Variants in CDKL1 observed in about 807,000 individuals in gnomAD.
CDKL1 encodes the protein cyclin-dependent kinase-like 1.
In CDKL1, 41 loss-of-function variants were observed where a neutral mutation model predicts 42.0. That is an observed-to-expected ratio of 0.98 (90% confidence interval 0.76 to 1.27). The LOEUF is 1.27. Ranked by LOEUF, CDKL1 falls within the 50% of genes most tolerant of loss-of-function variation. The pLI, the probability that CDKL1 is intolerant of heterozygous loss-of-function variation, is 0.00. For synonymous variants in CDKL1, 153 were observed against 158.6 expected, an observed-to-expected ratio of 0.96 and a Z score of 0.26; for missense variants, 394 against 428.4, an observed-to-expected ratio of 0.92 and a Z score of 0.71.
chr14:50,395,008 A>T (rs2035357856), intron 2 of CDKL1, among the ~76,000 whole-genome samples: 1 of 152,192 alleles, frequency 6.6e-6, no homozygotes, highest in Non-Finnish European at 1.5e-5. Flanking sequence ...TGATCATTTC[A>T]CTTCTTTAAG....
chr14:50,397,236 C>T (rs762435747), upstream of CDKL1: 18 of 1,366,610 alleles, frequency 1.3e-5, 1 homozygote, highest in South Asian at 2.0e-4. Context: ...CGCGGTTATT[C>T]CCTTTGGTCC....
intron 2 of CDKL1, chr14:50,380,204 C>G (rs1250367638): frequency 1.9e-6 from 1 of 532,662 alleles, no homozygotes; most frequent in Non-Finnish European, 3.8e-6. Flanking sequence ...CAACACAACC[C>G]TGGTCAAAAT....
At chr14:50,381,864 C>CT (rs530896872) in intron 2 of CDKL1, among the ~76,000 whole-genome samples, 117 of 152,206 alleles carry the variant, frequency 7.7e-4, no homozygotes, top group African/African-American at 2.5e-3. Flanking sequence ...CCTGGAACTC[C>CT]TGGGCTCAAG....
intron 4 of CDKL1, 77 bp downstream of exon 4, chr14:50,344,909 G>T: frequency 8.1e-7 from 1 of 1,227,968 alleles, no homozygotes; most frequent in Non-Finnish European, 1.2e-6. Flanking sequence ...ACAGAAGTGT[G>T]ACATAAACTT....
intron 2 of CDKL1, among the ~76,000 whole-genome samples, chr14:50,393,253 C>T (rs1486293998): frequency 6.6e-6 from 1 of 152,162 alleles, no homozygotes; most frequent in African/African-American, 2.4e-5. Flanking sequence ...GTACACATGC[C>T]CTGCTCACTG....
chr14:50,332,900 CTACT>C (rs2139361112), intron 8 of CDKL1: 1 of 367,246 alleles, frequency 2.7e-6, no homozygotes, highest in African/African-American at 2.4e-5. Flanking sequence ...CTAAAATCAG[CTACT>C]TTTTTTTTTT....
At chr14:50,350,540 A>C (rs116699172) in intron 3 of CDKL1, among the ~76,000 whole-genome samples, 122 of 152,322 alleles carry the variant, frequency 8.0e-4, no homozygotes, top group African/African-American at 2.9e-3. Context: ...ATTGAACTTT[A>C]GACGAGCCAT....
Position 50,326,623 on chromosome 14 carries a change from A to G in CDKL1, c.*3451T>C. ...CTTAATTTGTCTATTTTGTAAGCTTAGGCTACTATTTTATTAAAACTGGAC... is the reference window on the plus strand; with the variant it reads ...CTTAATTTGTCTATTTTGTAAGCTTGGGCTACTATTTTATTAAAACTGGAC... On this transcript the variant is annotated 3_prime_UTR_variant, in exon 10 of 10. Transcript: ENST00000395834. 1.0e-6 allele frequency: 1 copy of G among 985,466 alleles called. No individual in the cohort carries two copies. The highest frequency in any genetic ancestry group is 1.2e-6 in the Non-Finnish European group (1 of 829,926). 61.0% of individuals were successfully genotyped at this position (985,466 alleles called of 1,614,324 possible).
At position 50,379,835 on chromosome 14, in the gene CDKL1, C is replaced by CAGAA. The variant is rs1595362220; in HGVS notation, c.168+15865_168+15866insTTCT. ...CACCTTGAAGGAGGATCCTGCAATG[C>CAGAA]CACTGTGAGTATTCCTCACTTTTCA... On this transcript the variant is annotated intron_variant, in intron 2 of 9. Transcript: ENST00000395834. Among the ~76,000 whole-genome samples the CAGAA allele has an allele frequency of 3.3e-5, 5 of 152,302 alleles. No individual in the cohort carries two copies. The East Asian group carries it at 9.6e-4, about 29-fold the overall frequency.
chr14:50,365,952 T>C (rs941065318), intron 2 of CDKL1, among the ~76,000 whole-genome samples: 1 of 152,246 alleles, frequency 6.6e-6, no homozygotes, highest in African/African-American at 2.4e-5. Context: ...TGCCACGGGC[T>C]CTCCGGCCTT....
intron 8 of CDKL1, 153 bp downstream of exon 8, chr14:50,334,412 G>C: frequency 1.6e-6 from 1 of 631,548 alleles, no homozygotes; most frequent in Non-Finnish European, 2.9e-6. Context: ...GCCTCCCAAA[G>C]TGCTAGGATT....
intron 2 of CDKL1, among the ~76,000 whole-genome samples, chr14:50,371,111 G>T (rs559102538): frequency 6.6e-6 from 1 of 152,082 alleles, no homozygotes; most frequent in Non-Finnish European, 1.5e-5. Flanking sequence ...GAATAGTACT[G>T]TATTGTGTAT....
rs777979509 is a variant in CDKL1, at chr14:50,338,993, G to C, written c.692C>G (p.Thr231Arg). Residue 231 changes from threonine (T) to arginine (R), a missense_variant, in exon 7 of 10, where the codon ACG becomes AGG. Physicochemically the swap from Thr to Arg is moderately conservative, Grantham distance 71. Coordinates refer to ENST00000395834, the MANE Select transcript of CDKL1 (RefSeq NM_004196.7). ...LIPRHQQVFS[T>R]NQYFSGVKIP... ...TTTCACTCCACTGAAGTACTGATTC[G>C]TGCTAAACACTTGCTGGTGCCTAGG... is the stretch of plus-strand genomic sequence containing the variant. The C allele has an allele frequency of 6.2e-7, 1 of 1,612,886 alleles. No homozygotes were observed. The highest frequency in any genetic ancestry group is 8.5e-7 in the Non-Finnish European group (1 of 1,178,884).
intron 2 of CDKL1, among the ~76,000 whole-genome samples, chr14:50,387,026 C>CAAAAAGAAA: frequency 7.2e-6 from 1 of 139,546 alleles, no homozygotes; most frequent in South Asian, 2.3e-4. Flanking sequence ...GACTCCGTCT[C>CAAAAAGAAA]AAAAAGAAAA....
At chr14:50,357,675 A>G (rs2034096243) in intron 3 of CDKL1, among the ~76,000 whole-genome samples, 1 of 152,160 alleles carries the variant, frequency 6.6e-6, no homozygotes, top group African/African-American at 2.4e-5. Flanking sequence ...AGCAACAGTA[A>G]TAGGCCCCAG....
chr14:50,370,649 G>C (rs1566599533), intron 2 of CDKL1, among the ~76,000 whole-genome samples: 1 of 152,156 alleles, frequency 6.6e-6, no homozygotes, highest in Non-Finnish European at 1.5e-5. Context: ...GGCTTTACAG[G>C]AAACACGGGG....
At chr14:50,342,447 G>A (rs1595279542) in intron 4 of CDKL1, 3 of 1,307,854 alleles carry the variant, frequency 2.3e-6, no homozygotes, top group Non-Finnish European at 2.9e-6. Context: ...AGAGTGAAAG[G>A]AAAATGAAAG....
chr14:50,360,185 T>C (rs1399742741), intron 2 of CDKL1, among the ~76,000 whole-genome samples: 1 of 152,176 alleles, frequency 6.6e-6, no homozygotes, highest in African/African-American at 2.4e-5. Flanking sequence ...CTTTCCGCCC[T>C]GATTTTTAGA....
intron 2 of CDKL1, among the ~76,000 whole-genome samples, chr14:50,369,271 T>C (rs1384531275): frequency 2.6e-5 from 4 of 152,264 alleles, no homozygotes; most frequent in East Asian, 3.9e-4. Flanking sequence ...GTGGCACTTA[T>C]GAGCTAGGGC....
Sources: gnomAD v4.1 joint callset for allele counts (sites outside exome capture counted in the v4.1 genomes callset) on GRCh38, gnomAD v4.1.1 for gene constraint, MANE v1.5 for transcripts, NCBI Gene and HGNC (gene_info 2026-07-23, HGNC 2026-07-21) for gene names.